ROBO2: variants seen among roughly 807,000 people sequenced by gnomAD.
ROBO2 encodes roundabout homolog 2.
ROBO2 carries 53 observed loss-of-function variants against 160.8 expected under a neutral mutation model. That is an observed-to-expected ratio of 0.33 (90% CI 0.26 to 0.41). The LOEUF (loss-of-function observed/expected upper bound fraction) is 0.41. ROBO2 is among the 10% of genes least tolerant of loss of function. The probability of loss-of-function intolerance (pLI) is 1.00; values close to 1 mark genes in which losing one functional copy is unlikely to be tolerated. For missense variants in ROBO2, 1,577 were observed against 1,722.4 expected (o/e 0.92, Z 1.49); for synonymous variants, 664 against 611.7 (o/e 1.09, Z -1.26).
intron 2 of ROBO2, among the ~76,000 whole-genome samples, chr3:77,328,857 T>C (rs1335608383): frequency 1.3e-5 from 2 of 152,238 alleles, no homozygotes; most frequent in African/African-American, 4.8e-5. Context: ...GCATCCCATC[T>C]GATACATCCT....
intron 5 of ROBO2, among the ~76,000 whole-genome samples, chr3:77,494,691 G>A (rs971998136): frequency 1.3e-5 from 2 of 152,172 alleles, no homozygotes; most frequent in Admixed American, 1.3e-4. Context: ...TGCTTTCACT[G>A]CTATCAGTAA....
chr3:76,396,114 C>T (rs1049486063), intron 2 of ROBO2, among the ~76,000 whole-genome samples: 6 of 152,248 alleles, frequency 3.9e-5, no homozygotes, highest in Admixed American at 3.3e-4. Flanking sequence ...CATCAAAAAG[C>T]TCATCCACCA....
intron 2 of ROBO2, among the ~76,000 whole-genome samples, chr3:76,049,399 A>ATTTTTTTTTTTTTTT (rs1204742605): frequency 2.0e-5 from 1 of 50,364 alleles, no homozygotes; most frequent in African/African-American, 1.4e-4. Context: ...ATATATATAT[A>ATTTTTTTTTTTTTTT]TATATTTTTT....
At chr3:77,386,928 G>A (rs572017157) in intron 2 of ROBO2, among the ~76,000 whole-genome samples, 9 of 151,942 alleles carry the variant, frequency 5.9e-5, no homozygotes, top group African/African-American at 2.2e-4. Context: ...AATTAGTTCT[G>A]CTTGATCAAA....
intron 2 of ROBO2, among the ~76,000 whole-genome samples, chr3:76,093,982 C>A (rs1324842371): frequency 6.6e-6 from 1 of 152,104 alleles, no homozygotes; most frequent in African/African-American, 2.4e-5. Context: ...CTAATTTTCC[C>A]TCTCAGATTT....
intron 2 of ROBO2, among the ~76,000 whole-genome samples, chr3:76,955,718 T>A (rs75546377): frequency 0.015 from 2,330 of 152,208 alleles, 28 homozygotes; most frequent in Non-Finnish European, 0.023. Context: ...AATGTTTTAA[T>A]GTCAGCCTGA....
At chr3:76,580,342 G>GTTTTTTTTTTTTTTTTTTTTTTTTTTT (rs71101901) in intron 2 of ROBO2, among the ~76,000 whole-genome samples, 6 of 90,556 alleles carry the variant, frequency 6.6e-5, no homozygotes, top group African/African-American at 1.7e-4. Flanking sequence ...TTTTTTTTGT[G>GTTTTTTTTTTTTTTTTTTTTTTTTTTT]TTTTTTTTTT....
intron 2 of ROBO2, among the ~76,000 whole-genome samples, chr3:76,382,480 G>A (rs1417050225): frequency 3.9e-5 from 6 of 152,156 alleles, no homozygotes; most frequent in Admixed American, 1.3e-4. Context: ...CCAGCTACTC[G>A]GGAGGCTGAG....
At chr3:76,016,693 A>G (rs554246755) in intron 2 of ROBO2, among the ~76,000 whole-genome samples, 3 of 152,276 alleles carry the variant, frequency 2.0e-5, no homozygotes, top group African/African-American at 7.2e-5. Context: ...GCCGTGGGCC[A>G]TATTGAAAGA....
At chr3:77,361,917 T>A (rs1459754506) in intron 2 of ROBO2, among the ~76,000 whole-genome samples, 1 of 152,196 alleles carries the variant, frequency 6.6e-6, no homozygotes, top group African/African-American at 2.4e-5. Context: ...TTTACAAATG[T>A]TCACCGAATG....
intron 2 of ROBO2, among the ~76,000 whole-genome samples, chr3:76,348,053 C>G (rs996379699): frequency 3.3e-5 from 5 of 152,074 alleles, no homozygotes; most frequent in African/African-American, 1.2e-4. Flanking sequence ...CAAGCACTAT[C>G]CGCCATCATT....
intron 2 of ROBO2, among the ~76,000 whole-genome samples, chr3:75,997,042 A>G (rs2065749785): frequency 6.6e-6 from 1 of 152,188 alleles, no homozygotes; most frequent in South Asian, 2.1e-4. Flanking sequence ...TTATGATCTA[A>G]TTATGTCATT....
chr3:76,560,665 G>C (rs1008879547), intron 2 of ROBO2, among the ~76,000 whole-genome samples: 1 of 149,642 alleles, frequency 6.7e-6, no homozygotes, highest in African/African-American at 2.4e-5. Flanking sequence ...CTGACTCCCG[G>C]TAAGTCTATA....
At chr3:77,437,782 A>G (rs1437738078) in intron 2 of ROBO2, among the ~76,000 whole-genome samples, 1 of 151,972 alleles carries the variant, frequency 6.6e-6, no homozygotes, top group African/African-American at 2.4e-5. Context: ...AAATCAAAAG[A>G]AGCCTTCCAT....
intron 2 of ROBO2, among the ~76,000 whole-genome samples, chr3:76,491,257 A>AT (rs1197229290): frequency 1.5e-4 from 23 of 152,076 alleles, no homozygotes; most frequent in African/African-American, 5.1e-4. Flanking sequence ...CCTAAGATTA[A>AT]TTTTTTTAAA....
intron 2 of ROBO2, among the ~76,000 whole-genome samples, chr3:76,747,019 ATATGTACCACATT>A: frequency 6.6e-6 from 1 of 152,168 alleles, no homozygotes; most frequent in South Asian, 2.1e-4. Flanking sequence ...TCCATGGTGT[ATATGTACCACATT>A]TTCTTTATCC....
chr3:76,812,194 T>C (rs147146617), intron 2 of ROBO2, among the ~76,000 whole-genome samples: 33 of 151,988 alleles, frequency 2.2e-4, no homozygotes, highest in African/African-American at 8.0e-4. Context: ...GTAAGGGAGC[T>C]GGATACAATT....
intron 2 of ROBO2, among the ~76,000 whole-genome samples, chr3:77,218,156 G>A (rs2085231082): frequency 6.6e-6 from 1 of 152,076 alleles, no homozygotes; most frequent in Admixed American, 6.6e-5. Context: ...GTATGGATGT[G>A]TTCAATCCCC....
chr3:77,484,533 A>G (rs1473200083), intron 4 of ROBO2, among the ~76,000 whole-genome samples: 1 of 151,740 alleles, frequency 6.6e-6, no homozygotes, highest in African/African-American at 2.4e-5. Flanking sequence ...ACACACACAC[A>G]CACACACACA....
Sources: gnomAD v4.1 joint callset for allele counts (sites outside exome capture counted in the v4.1 genomes callset) on GRCh38, gnomAD v4.1.1 for gene constraint, MANE v1.5 for transcripts, NCBI Gene and HGNC (gene_info 2026-07-23, HGNC 2026-07-21) for gene names.